The following YWHAQ variants were observed in gnomAD, a reference collection of about 807,000 sequenced individuals.
The protein encoded by YWHAQ is tyrosine 3-monooxygenase/tryptophan 5-monooxygenase activation protein theta, also known as 14-3-3 protein theta.
Under a neutral mutation model 28.3 loss-of-function variants are expected in YWHAQ, and 6 were observed. The ratio of observed to expected loss-of-function variants is 0.21; its 90% confidence interval spans 0.12 to 0.42. The LOEUF is 0.42. Ranked by LOEUF, YWHAQ falls within the 10% of genes least tolerant of loss-of-function variation. The pLI, the probability that YWHAQ is intolerant of heterozygous loss-of-function variation, is 1.00. For synonymous variants in YWHAQ, 143 were observed against 119.1 expected (o/e 1.20, Z -1.31); for missense variants, 201 against 305.6 (o/e 0.66, Z 2.55).
intron 3 of YWHAQ, 68 bp from the exon 4 acceptor site, chr2:9,588,396 C>T (rs1666389423): frequency 6.5e-7 from 1 of 1,529,176 alleles, no homozygotes; most frequent in Non-Finnish European, 8.8e-7. Flanking sequence ...ACATTAACAA[C>T]TTGAACATAT....
chr2:9,603,672 C>G (rs1666759175), intron 2 of YWHAQ, among the ~76,000 whole-genome samples: 3 of 151,688 alleles, frequency 2.0e-5, no homozygotes, highest in Admixed American at 6.6e-5. Flanking sequence ...CCTGGTAATC[C>G]CAACACTTCG....
At chr2:9,625,759 G>C (rs1667236889) in intron 2 of YWHAQ, among the ~76,000 whole-genome samples, 1 of 152,100 alleles carries the variant, frequency 6.6e-6, no homozygotes, top group Non-Finnish European at 1.5e-5. Context: ...TTAATTATGA[G>C]CCATTATTCT....
chr2:9,590,491 C>CA (rs1197727796), intron 3 of YWHAQ, among the ~76,000 whole-genome samples: 3 of 151,976 alleles, frequency 2.0e-5, no homozygotes, highest in Non-Finnish European at 4.4e-5. Context: ...AAATTAAGAA[C>CA]AAAACAACAA....
At chr2:9,602,860 AAAATATATATATATATATATATATAT>A (rs1307935404) in intron 2 of YWHAQ, among the ~76,000 whole-genome samples, 7 of 11,048 alleles carry the variant, frequency 6.3e-4, no homozygotes, top group Admixed American at 1.2e-3. Context: ...AAAAAAAAAA[AAAATATATATATATATATATATATAT>A]ATATATATAT....
At chr2:9,590,982 A>C (rs372278917) in intron 3 of YWHAQ, among the ~76,000 whole-genome samples, 1 of 152,338 alleles carries the variant, frequency 6.6e-6, no homozygotes, top group African/African-American at 2.4e-5. Flanking sequence ...AAAGCACAAC[A>C]ACCTGTTTCC....
intron 2 of YWHAQ, among the ~76,000 whole-genome samples, chr2:9,605,286 T>C (rs954699474): frequency 1.3e-5 from 2 of 150,472 alleles, no homozygotes; most frequent in African/African-American, 4.9e-5. Context: ...CACAGGCGCA[T>C]ACCACCACAT....
At chr2:9,608,523 AGCTGAAAAT>A (rs1048301940) in intron 2 of YWHAQ, among the ~76,000 whole-genome samples, 1 of 152,204 alleles carries the variant, frequency 6.6e-6, no homozygotes, top group Non-Finnish European at 1.5e-5. Flanking sequence ...TGAAAACACA[AGCTGAAAAT>A]GTTAAAAATG....
At chr2:9,613,613 T>C (rs1454704787) in intron 2 of YWHAQ, among the ~76,000 whole-genome samples, 1 of 152,198 alleles carries the variant, frequency 6.6e-6, no homozygotes, top group East Asian at 1.9e-4. Context: ...CAGCATTATC[T>C]CCATGACCCA....
intron 2 of YWHAQ, among the ~76,000 whole-genome samples, chr2:9,622,794 A>T (rs544294512): frequency 1.3e-5 from 2 of 152,230 alleles, no homozygotes; most frequent in Non-Finnish European, 2.9e-5. Flanking sequence ...AATAGTTTCA[A>T]ATCTAGTAAT....
chr2:9,623,116 T>G (rs1001870490), intron 2 of YWHAQ, among the ~76,000 whole-genome samples: 1 of 152,228 alleles, frequency 6.6e-6, no homozygotes, highest in Non-Finnish European at 1.5e-5. Flanking sequence ...TGAAACTACA[T>G]GAGACTTAAA....
At chr2:9,590,689 T>C (rs1277606923) in intron 3 of YWHAQ, among the ~76,000 whole-genome samples, 1 of 152,140 alleles carries the variant, frequency 6.6e-6, no homozygotes, top group Non-Finnish European at 1.5e-5. Flanking sequence ...TCACTTTTTC[T>C]CATATCCATG....
At chr2:9,621,135 G>A (rs564996063) in intron 2 of YWHAQ, among the ~76,000 whole-genome samples, 5 of 152,188 alleles carry the variant, frequency 3.3e-5, no homozygotes, top group East Asian at 1.9e-4. Context: ...ATGCAATGCC[G>A]CTATTCTCAT....
At chr2:9,603,261 C>T (rs1039562172) in intron 2 of YWHAQ, among the ~76,000 whole-genome samples, 2 of 135,848 alleles carry the variant, frequency 1.5e-5, no homozygotes, top group Non-Finnish European at 3.1e-5. Context: ...AAGTACAATT[C>T]TCCCTTGAAT....
intron 3 of YWHAQ, 26 bp from the exon 4 acceptor site, chr2:9,588,354 G>A (rs1412288925): frequency 1.3e-6 from 2 of 1,599,410 alleles, no homozygotes; most frequent in African/African-American, 2.7e-5. Context: ...AATAAGAAGT[G>A]CAATATTAAA....
rs1480436559 is a variant in YWHAQ, at chr2:9,630,240, G to A, written c.213C>T (p.Thr71=). ...TAATCAGCTGCAACTTCTTGTCGGA[G>A]GTGTCGGTCTTCTGCTCGATGCTAG... is the stretch of plus-strand genomic sequence containing the variant. ...VISSIEQKTD[T]SDKKLQLIKD... The change falls in exon 2 of 6, where the codon ACC becomes ACT. Residue 71 remains threonine (T), a synonymous_variant. Coordinates refer to ENST00000238081, the MANE Select transcript of YWHAQ (RefSeq NM_006826.4). The surrounding 1 kb of genome is among the most constrained non-coding windows in gnomAD (Gnocchi z 5.6). 8 of 1,614,118 alleles carry A rather than the reference G, an allele frequency of 5.0e-6. No homozygotes were observed. Among genetic ancestry groups the A allele is most frequent in the Non-Finnish European group, 5.1e-6 (6 of 1,180,036 alleles).
chr2:9,598,498 T>C (rs1032555022), intron 2 of YWHAQ, among the ~76,000 whole-genome samples: 1 of 152,224 alleles, frequency 6.6e-6, no homozygotes, highest in African/African-American at 2.4e-5. Flanking sequence ...GTAGCAACAC[T>C]GAATCAAGCA....
Position 9,583,971 on chromosome 2 carries a change from C to T in YWHAQ, c.*1315G>A, listed in dbSNP as rs1666298970. The T allele has an allele frequency of 6.6e-6, 1 of 152,226 alleles. No individual in the cohort carries two copies. Among genetic ancestry groups the T allele is most frequent in the Admixed American group, 6.5e-5 (1 of 15,284 alleles). 9.4% of individuals were successfully genotyped at this position (152,226 alleles called of 1,614,324 possible). ...AAGGCACTCACAATCACATAATTAACTTTGCTAGTTTTAAAATGTCCACTT... is the reference window on the plus strand; with the variant it reads ...AAGGCACTCACAATCACATAATTAATTTTGCTAGTTTTAAAATGTCCACTT... On this transcript the variant is annotated 3_prime_UTR_variant, in exon 6 of 6. Transcript: ENST00000238081.
At chr2:9,610,939 T>C (rs1412896305) in intron 2 of YWHAQ, among the ~76,000 whole-genome samples, 1 of 152,172 alleles carries the variant, frequency 6.6e-6, no homozygotes, top group Admixed American at 6.5e-5. Flanking sequence ...ACCCTACTCT[T>C]TCTTTGGACT....
chr2:9,601,167 A>G (rs1056419462), intron 2 of YWHAQ, among the ~76,000 whole-genome samples: 1 of 152,230 alleles, frequency 6.6e-6, no homozygotes, highest in Non-Finnish European at 1.5e-5. Flanking sequence ...TAAGACATTA[A>G]TATTATAATT....
Sources: allele counts gnomAD v4.1 joint callset (sites outside exome capture counted in the v4.1 genomes callset), GRCh38; gene constraint gnomAD v4.1.1; non-coding constraint Gnocchi (gnomAD v3.1); transcripts MANE v1.5; gene names NCBI Gene and HGNC (gene_info 2026-07-23, HGNC 2026-07-21).